The following TRIM44 variants were observed in gnomAD, a reference collection of about 807,000 sequenced individuals.
TRIM44 encodes tripartite motif containing 44.
In TRIM44, 13 loss-of-function variants were observed where a neutral mutation model predicts 37.4. That is an observed-to-expected ratio of 0.35 (90% CI 0.23 to 0.55). The LOEUF (loss-of-function observed/expected upper bound fraction) is 0.55, where lower values mean the gene tolerates loss of function less well. Among genes scored for constraint, TRIM44 ranks in the 20% least tolerant of loss-of-function variants. The pLI, the probability that TRIM44 is intolerant of heterozygous loss-of-function variation, is 0.89. For synonymous variants in TRIM44, 175 were observed against 157.2 expected, an observed-to-expected ratio of 1.11 and a Z score of -0.85; for missense variants, 426 against 437.2, an observed-to-expected ratio of 0.97 and a Z score of 0.23.
intron 4 of TRIM44, among the ~76,000 whole-genome samples, chr11:35,799,768 GCA>G (rs1295189804): frequency 5.9e-5 from 9 of 152,156 alleles, no homozygotes; most frequent in Non-Finnish European, 1.3e-4. Context: ...AGATGTCTTA[GCA>G]CAGTTTGTGG....
chr11:35,789,849 C>G (rs1853181134), intron 4 of TRIM44, among the ~76,000 whole-genome samples: 3 of 152,170 alleles, frequency 2.0e-5, no homozygotes, highest in Admixed American at 2.0e-4. Context: ...TCTTATGACA[C>G]TTGATTTCTA....
At chr11:35,759,985 C>T (rs907059626) in intron 4 of TRIM44, among the ~76,000 whole-genome samples, 1 of 152,248 alleles carries the variant, frequency 6.6e-6, no homozygotes, top group African/African-American at 2.4e-5. Context: ...AGATCTCCAG[C>T]TGCATGCTGG....
At chr11:35,785,106 T>A (rs1853113864) in intron 4 of TRIM44, among the ~76,000 whole-genome samples, 1 of 152,210 alleles carries the variant, frequency 6.6e-6, no homozygotes, top group African/African-American at 2.4e-5. Context: ...TTACAGGAAA[T>A]TCTATAGAAC....
chr11:35,767,086 A>G (rs1353829139), intron 4 of TRIM44, among the ~76,000 whole-genome samples: 1 of 152,198 alleles, frequency 6.6e-6, no homozygotes, highest in Admixed American at 6.5e-5. Flanking sequence ...GTCATCAAGC[A>G]TGTGAAGTTC....
At position 35,812,605 on chromosome 11, in the gene TRIM44, A is replaced by G. The variant is rs1166914240; in HGVS notation, c.*6220A>G. Reference sequence around the variant, plus strand: ...CCTAATAAGCGGGAAGCCAGAATTTAAACCCAGGTCTAGCAGACTTCACAG... The same window carrying G: ...CCTAATAAGCGGGAAGCCAGAATTTGAACCCAGGTCTAGCAGACTTCACAG... On this transcript the variant is annotated 3_prime_UTR_variant, in exon 5 of 5. Transcript: ENST00000299413. The G allele has an allele frequency of 6.6e-6, 1 of 152,208 alleles. No homozygotes were observed. Among genetic ancestry groups the G allele is most frequent in the Non-Finnish European group, 1.5e-5 (1 of 68,026 alleles). 9.4% of individuals were successfully genotyped at this position (152,208 alleles called of 1,614,324 possible).
chr11:35,798,505 A>G (rs899161009), intron 4 of TRIM44, among the ~76,000 whole-genome samples: 1 of 152,142 alleles, frequency 6.6e-6, no homozygotes, highest in African/African-American at 2.4e-5. Context: ...TATCTTTGCA[A>G]TTTTTTGGTA....
chr11:35,796,267 TCACA>T (rs1159612529), intron 4 of TRIM44, among the ~76,000 whole-genome samples: 2 of 151,856 alleles, frequency 1.3e-5, no homozygotes, highest in African/African-American at 2.4e-5. Flanking sequence ...TCGCTCGCTG[TCACA>T]CACACACTTG....
At chr11:35,773,342 G>C (rs1392236999) in intron 4 of TRIM44, among the ~76,000 whole-genome samples, 1 of 151,740 alleles carries the variant, frequency 6.6e-6, no homozygotes, top group Non-Finnish European at 1.5e-5. Context: ...CTTGTTCTTT[G>C]CTTGTTGAAT....
intron 2 of TRIM44, among the ~76,000 whole-genome samples, chr11:35,688,141 T>A (rs1338190874): frequency 6.6e-6 from 1 of 152,196 alleles, no homozygotes; most frequent in Non-Finnish European, 1.5e-5. Context: ...GTTGGCCTAT[T>A]TAAGAAGGGC....
chr11:35,783,373 C>A (rs907634205), intron 4 of TRIM44, among the ~76,000 whole-genome samples: 1 of 152,202 alleles, frequency 6.6e-6, no homozygotes, highest in Admixed American at 6.5e-5. Context: ...GCCCTTGAAG[C>A]CACTCTATAC....
intron 2 of TRIM44, among the ~76,000 whole-genome samples, chr11:35,716,543 T>C (rs1033867017): frequency 2.0e-5 from 3 of 152,214 alleles, no homozygotes; most frequent in Non-Finnish European, 4.4e-5. Context: ...AAGGGACACA[T>C]GTGGGATAGC....
At position 35,816,962 on chromosome 11, in the gene TRIM44, C is replaced by T. The variant is rs1853589368; in HGVS notation, c.*10577C>T. 3 of 152,152 alleles carry T rather than the reference C, an allele frequency of 2.0e-5. No homozygotes were observed. The highest frequency in any genetic ancestry group is 2.0e-4 in the Admixed American group (3 of 15,264). 9.4% of individuals were successfully genotyped at this position (152,152 alleles called of 1,614,324 possible). A position where few individuals can be genotyped will look rare whatever the true frequency, so the allele number is the denominator to read the frequency against. The stretch of plus-strand genomic sequence containing the variant: ...TTTCATAGCCCTCTGTACCACATCC[C>T]CATGTACTTTTTCATATCAACGGTA... On this transcript the variant is annotated 3_prime_UTR_variant, in exon 5 of 5. Transcript: ENST00000299413.
At chr11:35,730,169 A>T (rs1852237646) in intron 3 of TRIM44, among the ~76,000 whole-genome samples, 1 of 152,234 alleles carries the variant, frequency 6.6e-6, no homozygotes, top group South Asian at 2.1e-4. Flanking sequence ...GATATTAAAA[A>T]GTACCAAATG....
rs796092540 is a variant in TRIM44, at chr11:35,792,111, A to ACACACACACACACACTCT, written c.1008-14246_1008-14245insACACACACACACACTCTC. Among the ~76,000 whole-genome samples the ACACACACACACACACTCT allele has an allele frequency of 1.4e-3, 165 of 114,344 alleles. 1 individual carries two copies. Among genetic ancestry groups the ACACACACACACACACTCT allele is most frequent in the Admixed American group, 4.6e-3 (55 of 11,984 alleles). The allele number at this position is 114,344 out of a possible 152,430, so 75.0% of individuals were successfully genotyped here. A position where few individuals can be genotyped will look rare whatever the true frequency, so the allele number is the denominator to read the frequency against. ...CACACACACACACACACACACACAC[A>ACACACACACACACACTCT]CTCTCTCTCATCATTCTCTATTCCA... is the stretch of plus-strand genomic sequence containing the variant. On this transcript the variant is annotated intron_variant, in intron 4 of 4. Coordinates refer to ENST00000299413, the MANE Select transcript of TRIM44 (RefSeq NM_017583.6).
intron 4 of TRIM44, among the ~76,000 whole-genome samples, chr11:35,796,231 C>T (rs879493268): frequency 8.0e-5 from 12 of 149,722 alleles, no homozygotes; most frequent in Admixed American, 1.3e-4. Context: ...TGTGTGCGCG[C>T]GCGCACGTGT....
At chr11:35,766,676 G>A (rs572086295) in intron 4 of TRIM44, among the ~76,000 whole-genome samples, 6 of 152,278 alleles carry the variant, frequency 3.9e-5, no homozygotes, top group South Asian at 2.1e-4. Context: ...TCGGCAGGCC[G>A]GGATATATGA....
At chr11:35,801,859 T>G (rs564607398) in intron 4 of TRIM44, among the ~76,000 whole-genome samples, 100 of 152,336 alleles carry the variant, frequency 6.6e-4, no homozygotes, top group African/African-American at 2.3e-3. Flanking sequence ...TTCCTTTAGC[T>G]AAACTTTTTT....
chr11:35,753,790 G>A (rs1199104848), intron 4 of TRIM44, among the ~76,000 whole-genome samples: 2 of 151,696 alleles, frequency 1.3e-5, no homozygotes, highest in Non-Finnish European at 2.9e-5. Flanking sequence ...GCGCAGTGGC[G>A]TAATCTCAGC....
rs1171486411 is a variant in TRIM44, at chr11:35,808,719, TAA to T, written c.*2337_*2338del. 6.6e-6 allele frequency: 1 copy of T among 152,246 alleles called. No individual in the cohort carries two copies. The highest frequency in any genetic ancestry group is 1.9e-4 in the East Asian group (1 of 5,206). 9.4% of individuals were successfully genotyped at this position (152,246 alleles called of 1,614,324 possible). The stretch of plus-strand genomic sequence containing the variant: ...GACTCCTGCTGTCTTCAGTACCTGA[TAA>T]AACTTTAACCAGGGAAGCATTAAAC... On this transcript the variant is annotated 3_prime_UTR_variant, in exon 5 of 5. Coordinates refer to ENST00000299413, the MANE Select transcript of TRIM44 (RefSeq NM_017583.6).
Sources: gnomAD v4.1 joint callset for allele counts (sites outside exome capture counted in the v4.1 genomes callset) on GRCh38, gnomAD v4.1.1 for gene constraint, MANE v1.5 for transcripts, NCBI Gene and HGNC (gene_info 2026-07-23, HGNC 2026-07-21) for gene names.